Variants in ZMAT5 observed in about 807,000 individuals in gnomAD.
The protein encoded by ZMAT5 is zinc finger matrin-type protein 5.
A neutral mutation model predicts 28.0 loss-of-function variants in ZMAT5; 23 were observed. The observed-to-expected ratio is 0.82, with a 90% confidence interval of 0.59 to 1.16. The LOEUF is 1.16. Ranked by LOEUF, ZMAT5 falls within the 50% of genes most tolerant of loss-of-function variation. The pLI is 0.00. For missense variants in ZMAT5, 173 were observed against 212.7 expected, an observed-to-expected ratio of 0.81 and a Z score of 1.16; for synonymous variants, 76 against 84.1, an observed-to-expected ratio of 0.90 and a Z score of 0.52.
At chr22:29,734,827 C>T (rs989723847) in intron 5 of ZMAT5, among the ~76,000 whole-genome samples, 1 of 151,230 alleles carries the variant, frequency 6.6e-6, no homozygotes, top group African/African-American at 2.4e-5. Context: ...GAGGGTCCCC[C>T]GCCCCAGCCC....
chr22:29,765,314 T>C (rs1319862218), intron 1 of ZMAT5, among the ~76,000 whole-genome samples: 3 of 151,512 alleles, frequency 2.0e-5, no homozygotes, highest in Non-Finnish European at 4.4e-5. Flanking sequence ...AGCTATTCAG[T>C]AGGCTGAGGC....
At position 29,731,316 on chromosome 22, in the gene ZMAT5, A is replaced by G; in HGVS notation, c.422T>C (p.Val141Ala). The change falls in exon 6 of 6, where the codon GTG becomes GCG. Residue 141 changes from valine to alanine, a missense_variant. Transcript: ENST00000344318. ...PIRTTVFQYPVGWPPVQELPP... is the reference protein window; with the variant it reads ...PIRTTVFQYPAGWPPVQELPP... Reference sequence around the variant, plus strand: ...CAGCTCCTGAACTGGTGGCCAGCCCACGGGGTACTGGAAGACAGTGGTTCT... The same window carrying G: ...CAGCTCCTGAACTGGTGGCCAGCCCGCGGGGTACTGGAAGACAGTGGTTCT... 2 of 1,532,298 alleles carry G rather than the reference A, an allele frequency of 1.3e-6. No homozygotes were observed. The highest frequency in any genetic ancestry group is 1.7e-6 in the Non-Finnish European group (2 of 1,151,156). The allele number at this position is 1,532,298 out of a possible 1,614,324, so 94.9% of individuals were successfully genotyped here. A position where few individuals can be genotyped will look rare whatever the true frequency, so the allele number is the denominator to read the frequency against.
intron 1 of ZMAT5, among the ~76,000 whole-genome samples, chr22:29,759,124 A>G (rs131278): frequency 0.79 from 119,679 of 152,150 alleles, 47,712 homozygotes; most frequent in African/African-American, 0.92. Context: ...GGGCTCCAGG[A>G]ACTGCGGGCT....
chr22:29,747,138 A>G (rs2147226118), intron 2 of ZMAT5: 1 of 152,244 alleles, frequency 6.6e-6, no homozygotes, highest in Non-Finnish European at 1.5e-5. Context: ...GTTTTAGCCT[A>G]AAGGTCTCCA....
intron 1 of ZMAT5, among the ~76,000 whole-genome samples, chr22:29,763,180 T>C (rs1289418563): frequency 1.3e-5 from 2 of 151,086 alleles, no homozygotes; most frequent in African/African-American, 4.9e-5. Flanking sequence ...GTAATCCCAG[T>C]TACTCGGGAG....
At chr22:29,732,553 T>C (rs1324417029) in intron 5 of ZMAT5, among the ~76,000 whole-genome samples, 2 of 151,676 alleles carry the variant, frequency 1.3e-5, no homozygotes, top group South Asian at 2.1e-4. Flanking sequence ...CTGGCTAACA[T>C]GGTGAAACCC....
At chr22:29,744,928 G>A (rs1444401746) in intron 2 of ZMAT5, among the ~76,000 whole-genome samples, 1 of 152,230 alleles carries the variant, frequency 6.6e-6, no homozygotes, top group Non-Finnish European at 1.5e-5. Context: ...GGCCCCTCAT[G>A]ATCTGATCCT....
intron 1 of ZMAT5, among the ~76,000 whole-genome samples, chr22:29,756,390 C>G (rs1367667701): frequency 6.6e-6 from 1 of 152,138 alleles, no homozygotes; most frequent in African/African-American, 2.4e-5. Context: ...CTGACCGAAC[C>G]CCCGTATGCT....
intron 1 of ZMAT5, among the ~76,000 whole-genome samples, chr22:29,764,493 A>G (rs1036886830): frequency 2.0e-5 from 3 of 152,132 alleles, no homozygotes; most frequent in Non-Finnish European, 4.4e-5. Flanking sequence ...CAGGCCTGCA[A>G]TCCAATCCCT....
chr22:29,763,880 A>C (rs2068183236), intron 1 of ZMAT5, among the ~76,000 whole-genome samples: 1 of 152,130 alleles, frequency 6.6e-6, no homozygotes, highest in Admixed American at 6.6e-5. Flanking sequence ...TGAGCCCAGG[A>C]GTTCGAGGCT....
At chr22:29,736,767 G>C (rs1240561001) in intron 5 of ZMAT5, among the ~76,000 whole-genome samples, 1 of 148,314 alleles carries the variant, frequency 6.7e-6, no homozygotes, top group East Asian at 2.0e-4. Context: ...GCTGACACCT[G>C]TAATCCCAGC....
intron 1 of ZMAT5, among the ~76,000 whole-genome samples, chr22:29,758,211 C>G (rs2068121933): frequency 6.6e-6 from 1 of 152,314 alleles, no homozygotes; most frequent in Admixed American, 6.5e-5. Context: ...CTTCAGAAGA[C>G]TCCACCCTGG....
At chr22:29,738,067 A>C (rs1169907541) in intron 5 of ZMAT5, among the ~76,000 whole-genome samples, 1 of 151,956 alleles carries the variant, frequency 6.6e-6, no homozygotes, top group African/African-American at 2.4e-5. Flanking sequence ...CTTGCAGCCA[A>C]ATCAGCTCTG....
At chr22:29,736,215 T>C (rs543878371) in intron 5 of ZMAT5, among the ~76,000 whole-genome samples, 1 of 152,114 alleles carries the variant, frequency 6.6e-6, no homozygotes, top group Non-Finnish European at 1.5e-5. Flanking sequence ...AGGACGTGGA[T>C]CCCTGGACAG....
intron 2 of ZMAT5, chr22:29,748,073 C>T: frequency 2.7e-6 from 1 of 365,602 alleles, no homozygotes; most frequent in Non-Finnish European, 5.3e-6. Flanking sequence ...CACACCCTCT[C>T]CCTCCTGCTC....
chr22:29,735,830 G>A (rs1601714937), intron 5 of ZMAT5, among the ~76,000 whole-genome samples: 1 of 152,272 alleles, frequency 6.6e-6, no homozygotes, highest in Admixed American at 6.5e-5. Context: ...TGGTACCCTA[G>A]TCCCCCAAGT....
intron 1 of ZMAT5, among the ~76,000 whole-genome samples, chr22:29,762,797 G>A (rs139628458): frequency 1.6e-4 from 24 of 152,220 alleles, no homozygotes; most frequent in East Asian, 5.8e-4. Context: ...CCTGTATCCC[G>A]TCCATAGAAA....
chr22:29,738,280 G>C (rs763281845), intron 5 of ZMAT5, 50 bp downstream of exon 5: 3 of 1,527,956 alleles, frequency 2.0e-6, no homozygotes, highest in Non-Finnish European at 1.8e-6. Context: ...AGGCGGGCTG[G>C]GGTTTTGCCC....
chr22:29,731,422 C>T, intron 5 of ZMAT5, 68 bp from the exon 6 acceptor site: 2 of 1,505,782 alleles, frequency 1.3e-6, no homozygotes, highest in Non-Finnish European at 1.7e-6. Flanking sequence ...CACCCCCAGC[C>T]CACCTGCCTC....
Sources: allele counts gnomAD v4.1 joint callset (sites outside exome capture counted in the v4.1 genomes callset), GRCh38; gene constraint gnomAD v4.1.1; transcripts MANE v1.5; gene names NCBI Gene and HGNC (gene_info 2026-07-23, HGNC 2026-07-21).